Variants in CDC16 observed in about 807,000 individuals in gnomAD.
The protein encoded by CDC16 is cell division cycle protein 16 homolog.
CDC16 carries 34 observed loss-of-function variants against 87.0 expected under a neutral mutation model. The ratio of observed to expected loss-of-function variants is 0.39; its 90% CI spans 0.30 to 0.52. CDC16 has a LOEUF of 0.52. Among genes scored for constraint, CDC16 ranks in the 20% least tolerant of loss-of-function variants. The probability of loss-of-function intolerance (pLI) is 0.74; values close to 1 mark genes in which losing one functional copy is unlikely to be tolerated. For missense variants in CDC16, 653 were observed against 751.9 expected (o/e 0.87, Z 1.54); for synonymous variants, 263 against 260.6 (o/e 1.01, Z -0.09).
chr13:114,265,302 G>C, intron 17 of CDC16, 62 bp downstream of exon 17: 1 of 1,040,738 alleles, frequency 9.6e-7, no homozygotes, highest in Non-Finnish European at 1.5e-6. Flanking sequence ...ATATGTCTCT[G>C]TTTATGTTTC....
intron 12 of CDC16, among the ~76,000 whole-genome samples, chr13:114,256,412 GCAAT>G (rs1267026184): frequency 1.3e-5 from 2 of 152,134 alleles, no homozygotes; most frequent in African/African-American, 2.4e-5. Context: ...CACACACCAA[GCAAT>G]CAGTATTTAT....
At chr13:114,245,051 C>T in intron 9 of CDC16, 82 bp downstream of exon 9, 1 of 810,386 alleles carries the variant, frequency 1.2e-6, no homozygotes, top group East Asian at 2.7e-5. Context: ...CTCTGAAATT[C>T]TGGATAGTTG....
intron 12 of CDC16, among the ~76,000 whole-genome samples, chr13:114,254,258 T>C (rs945770030): frequency 1.3e-5 from 2 of 152,234 alleles, no homozygotes; most frequent in African/African-American, 4.8e-5. Flanking sequence ...ATAGGATTTA[T>C]GTCTGGCGTT....
Position 114,265,018 on chromosome 13 carries a change from A to G in CDC16, c.1513-132A>G, listed in dbSNP as rs1434943294. 7 of 680,116 alleles carry G rather than the reference A, an allele frequency of 1.0e-5. No homozygotes were observed. In the Admixed American group the frequency reaches 1.1e-4, roughly 11 times the overall value. 42.1% of individuals were successfully genotyped at this position (680,116 alleles called of 1,614,324 possible). On this transcript the variant is annotated intron_variant, in intron 16 of 17. Transcript: ENST00000356221. ...AACCAACTTCAACAATCTTTGGTTC[A>G]TGGCCAGTCATGTAGCTATGTCTGG...
intron 3 of CDC16, among the ~76,000 whole-genome samples, chr13:114,237,416 A>G (rs1436322988): frequency 1.3e-5 from 2 of 151,964 alleles, no homozygotes; most frequent in Non-Finnish European, 2.9e-5. Context: ...CAGCCTCCCT[A>G]ATAGCTGGGA....
chr13:114,266,577 G>T (rs1300924716), intron 17 of CDC16, among the ~76,000 whole-genome samples: 1 of 152,124 alleles, frequency 6.6e-6, no homozygotes, highest in Non-Finnish European at 1.5e-5. Context: ...CTAGCAAACA[G>T]TTTCCCTGCC....
chr13:114,258,389 C>T (rs546755297), intron 13 of CDC16, among the ~76,000 whole-genome samples: 1 of 152,266 alleles, frequency 6.6e-6, no homozygotes, highest in South Asian at 2.1e-4. Flanking sequence ...GCCTTTTTTC[C>T]CAGTTCAACT....
intron 9 of CDC16, among the ~76,000 whole-genome samples, chr13:114,245,556 C>T (rs2081821875): frequency 6.6e-6 from 1 of 152,142 alleles, no homozygotes; most frequent in Non-Finnish European, 1.5e-5. Flanking sequence ...TCCAGCTGCT[C>T]TGGTCTACTG....
At chr13:114,253,575 A>G (rs1389523931) in intron 12 of CDC16, among the ~76,000 whole-genome samples, 3 of 151,984 alleles carry the variant, frequency 2.0e-5, no homozygotes, top group African/African-American at 7.3e-5. Context: ...CTGTAGTCCC[A>G]GCTACTCGGG....
rs2082547650 is a variant in CDC16, at chr13:114,257,150, C to T, written c.1170C>T (p.Phe390=). ...LTNNSKLAER[F]FSQALSIAPE... is the part of the protein sequence containing the mutation. ...ATAACTCAAAACTAGCTGAAAGGTT[C>T]TTCAGCCAAGCTCTGAGCATTGCAC... Residue 390 remains phenylalanine (F), a synonymous_variant, in exon 13 of 18, where the codon TTC becomes TTT. Transcript: ENST00000356221. The T allele has an allele frequency of 1.9e-6, 3 of 1,612,354 alleles. No individual in the cohort carries two copies. Among genetic ancestry groups the T allele is most frequent in the African/African-American group, 1.3e-5 (1 of 74,910 alleles).
intron 1 of CDC16, among the ~76,000 whole-genome samples, chr13:114,235,751 G>C (rs766024829): frequency 5.5e-4 from 83 of 152,168 alleles, no homozygotes; most frequent in Middle Eastern, 3.2e-3. Flanking sequence ...GAAAAGCCAT[G>C]GTAATGCAGA....
At chr13:114,244,813 T>G in intron 8 of CDC16, 77 bp from the exon 9 acceptor site, 1 of 812,192 alleles carries the variant, frequency 1.2e-6, no homozygotes, top group Non-Finnish European at 2.1e-6. Flanking sequence ...CCATAATGAC[T>G]GTCTACACAT....
At chr13:114,260,552 G>A (rs2082782234) in intron 14 of CDC16, among the ~76,000 whole-genome samples, 1 of 152,220 alleles carries the variant, frequency 6.6e-6, no homozygotes, top group South Asian at 2.1e-4. Flanking sequence ...GAAAAGTTTT[G>A]AGAAGCACTT....
chr13:114,252,033 T>C (rs1479541753), intron 12 of CDC16, among the ~76,000 whole-genome samples: 1 of 150,036 alleles, frequency 6.7e-6, no homozygotes, highest in Non-Finnish European at 1.5e-5. Context: ...ACACTAGCCC[T>C]GTTGGATAAG....
chr13:114,255,793 C>T (rs1476087175), intron 12 of CDC16, among the ~76,000 whole-genome samples: 2 of 152,136 alleles, frequency 1.3e-5, no homozygotes, highest in Non-Finnish European at 2.9e-5. Context: ...CAAGCCCATA[C>T]CACCACGCTT....
intron 12 of CDC16, among the ~76,000 whole-genome samples, chr13:114,251,286 C>G (rs1485501697): frequency 1.3e-5 from 2 of 152,130 alleles, no homozygotes; most frequent in African/African-American, 2.4e-5. Flanking sequence ...CTGGACTCTT[C>G]CTGGCTCTTC....
intron 17 of CDC16, among the ~76,000 whole-genome samples, chr13:114,271,961 G>T (rs148372481): frequency 9.8e-5 from 15 of 152,314 alleles, no homozygotes; most frequent in African/African-American, 3.6e-4. Flanking sequence ...AAGAAGATTG[G>T]AATGTTGTTT....
intron 7 of CDC16, 127 bp downstream of exon 7, chr13:114,243,475 A>C: frequency 1.7e-6 from 1 of 579,618 alleles, no homozygotes; most frequent in Non-Finnish European, 3.1e-6. Flanking sequence ...TTAAGAATAG[A>C]GCGTTTAAGA....
At chr13:114,247,221 A>T in intron 11 of CDC16, 1 of 538,708 alleles carries the variant, frequency 1.9e-6, no homozygotes, top group Non-Finnish European at 3.3e-6. Flanking sequence ...TCTGTTGCCC[A>T]GACTAGAGTG....
Sources: gnomAD v4.1 joint callset for allele counts (sites outside exome capture counted in the v4.1 genomes callset) on GRCh38, gnomAD v4.1.1 for gene constraint, MANE v1.5 for transcripts, NCBI Gene and HGNC (gene_info 2026-07-23, HGNC 2026-07-21) for gene names.